PCDH11X: variants seen among roughly 807,000 people sequenced by gnomAD.
PCDH11X encodes the protein protocadherin 11 X-linked, also known as protocadherin-11 X-linked.
A neutral mutation model predicts 53.3 loss-of-function variants in PCDH11X; 18 were observed. The ratio of observed to expected loss-of-function variants is 0.34; its 90% confidence interval spans 0.23 to 0.50. The LOEUF (loss-of-function observed/expected upper bound fraction) is 0.50, where lower values mean the gene tolerates loss of function less well. PCDH11X is among the 20% of genes least tolerant of loss of function. The probability of loss-of-function intolerance (pLI) is 0.98; values close to 1 mark genes in which losing one functional copy is unlikely to be tolerated. For missense variants in PCDH11X, 570 were observed against 1,032.4 expected (o/e 0.55, Z 6.14); for synonymous variants, 279 against 393.3 (o/e 0.71, Z 3.44).
chrX:91,915,982 CA>C, intron 6 of PCDH11X, among the ~76,000 whole-genome samples: 1 of 109,573 alleles, frequency 9.1e-6, no homozygotes, highest in Non-Finnish European at 1.9e-5. Flanking sequence ...AAAATTATAT[CA>C]AGTATCCTCT....
chrX:92,075,095 A>T (rs2063754921), intron 6 of PCDH11X, among the ~76,000 whole-genome samples: 1 of 109,998 alleles, frequency 9.1e-6, no homozygotes, highest in African/African-American at 3.3e-5. Flanking sequence ...TTTTATTCTT[A>T]GTGGTAATTA....
At chrX:92,077,782 G>A (rs948251534) in intron 6 of PCDH11X, among the ~76,000 whole-genome samples, 8 of 110,439 alleles carry the variant, frequency 7.2e-5, no homozygotes, top group Non-Finnish European at 1.3e-4. Flanking sequence ...GTTTCTTGAG[G>A]GAACTTAAAC....
intron 8 of PCDH11X, among the ~76,000 whole-genome samples, chrX:92,379,588 T>C (rs939706685): frequency 9.0e-6 from 1 of 111,491 alleles, no homozygotes; most frequent in Admixed American, 9.4e-5. Context: ...GAAAAGGGCA[T>C]GTCCCTGGTG....
chrX:92,451,296 C>T (rs929592705), intron 9 of PCDH11X, among the ~76,000 whole-genome samples: 2 of 110,349 alleles, frequency 1.8e-5, no homozygotes, highest in African/African-American at 6.6e-5. Flanking sequence ...GTACCTCAAA[C>T]TTTCATGTGC....
At chrX:92,293,275 A>G (rs1028750157) in intron 8 of PCDH11X, among the ~76,000 whole-genome samples, 1 of 110,838 alleles carries the variant, frequency 9.0e-6, no homozygotes, top group East Asian at 2.9e-4. Context: ...TAAAAGCAAC[A>G]CTGAATAAAA....
rs1326548833 is a variant in PCDH11X at position 91,981,066 on chromosome X, TTATATACACTGAATATA to T, written c.3033+101813_3033+101829del. Among the ~76,000 whole-genome samples the T allele has an allele frequency of 4.2e-5, 4 of 95,890 alleles. 1 individual carries two copies. Among genetic ancestry groups the T allele is most frequent in the Non-Finnish European group, 8.3e-5 (4 of 48,216 alleles). 83.3% of individuals were successfully genotyped at this position (95,890 alleles called of 115,157 possible). ...GAATATATATATACACTGAATATAT[TTATATACACTGAATATA>T]TATATACACTGAATATATAAATATA... On this transcript the variant is annotated intron_variant, in intron 6 of 10. Transcript: ENST00000682573.
At chrX:91,881,020 A>G (rs1250837872) in intron 6 of PCDH11X, among the ~76,000 whole-genome samples, 1 of 111,328 alleles carries the variant, frequency 9.0e-6, no homozygotes, top group Non-Finnish European at 1.9e-5. Flanking sequence ...TGAATTACAT[A>G]TGTAGATCAT....
At chrX:92,592,453 C>G (rs1217430132) in intron 10 of PCDH11X, among the ~76,000 whole-genome samples, 1 of 110,276 alleles carries the variant, frequency 9.1e-6, no homozygotes, top group Non-Finnish European at 1.9e-5. Flanking sequence ...GATTCAAGGC[C>G]AGGCGCACTG....
At chrX:92,470,442 T>C in intron 10 of PCDH11X, among the ~76,000 whole-genome samples, 1 of 103,198 alleles carries the variant, frequency 9.7e-6, no homozygotes, top group Admixed American at 1.1e-4. Context: ...CCTTTATTTC[T>C]TTCTCTTGTC....
chrX:92,014,049 G>A (rs1386169982), intron 6 of PCDH11X, among the ~76,000 whole-genome samples: 5 of 111,605 alleles, frequency 4.5e-5, no homozygotes, highest in East Asian at 2.8e-4. Flanking sequence ...TAATTAAACT[G>A]AAGAACTTCT....
chrX:92,528,625 T>C (rs1386224642), intron 10 of PCDH11X, among the ~76,000 whole-genome samples: 1 of 111,984 alleles, frequency 8.9e-6, no homozygotes, highest in Non-Finnish European at 1.9e-5. Context: ...ATGGGAATCT[T>C]TAGAGAAATT....
intron 8 of PCDH11X, among the ~76,000 whole-genome samples, chrX:92,271,747 A>C (rs995268470): frequency 5.3e-5 from 6 of 112,156 alleles, no homozygotes; most frequent in Admixed American, 1.9e-4. Context: ...CCTCATCATC[A>C]TGCTCTTTTG....
chrX:91,864,257 A>T (rs765844222), intron 5 of PCDH11X, among the ~76,000 whole-genome samples: 2 of 108,551 alleles, frequency 1.8e-5, no homozygotes, highest in East Asian at 5.8e-4. Flanking sequence ...TTTTCACCAG[A>T]TATACTATTT....
chrX:92,259,349 G>A lies in PCDH11X; in HGVS notation c.3115-3765G>A, dbSNP rs990384821. Among the ~76,000 whole-genome samples, 5 of 111,603 alleles carry A rather than the reference G, an allele frequency of 4.5e-5. No homozygotes were observed. In the Admixed American group the frequency reaches 4.8e-4, roughly 11 times the overall value. On this transcript the variant is annotated intron_variant, in intron 7 of 10. Transcript: ENST00000682573. Reference sequence around the variant, plus strand: ...TAACTGGCTCACAGTTATGAAAGCTGTATAGGAAGCTTAGTGGCTACTGCT... The same window carrying A: ...TAACTGGCTCACAGTTATGAAAGCTATATAGGAAGCTTAGTGGCTACTGCT...
intron 6 of PCDH11X, among the ~76,000 whole-genome samples, chrX:92,130,778 C>T (rs1292509715): frequency 9.0e-6 from 1 of 110,658 alleles, no homozygotes; most frequent in Non-Finnish European, 1.9e-5. Context: ...ATTGCAAGCA[C>T]ATTGCTTTGT....
intron 1 of PCDH11X, among the ~76,000 whole-genome samples, chrX:91,792,485 G>T (rs1322071927): frequency 9.1e-6 from 1 of 110,166 alleles, no homozygotes; most frequent in Non-Finnish European, 1.9e-5. Flanking sequence ...CAGACTTGAA[G>T]AATAGATTTT....
chrX:92,302,109 G>C (rs2068736278), intron 8 of PCDH11X, among the ~76,000 whole-genome samples: 1 of 111,364 alleles, frequency 9.0e-6, no homozygotes, highest in Non-Finnish European at 1.9e-5. Context: ...ATGGGGGCTG[G>C]GTAGAAAAGA....
At chrX:91,983,999 A>G (rs2147932245) in intron 6 of PCDH11X, among the ~76,000 whole-genome samples, 1 of 107,729 alleles carries the variant, frequency 9.3e-6, no homozygotes, top group East Asian at 2.9e-4. Context: ...ACTACTGCAT[A>G]CTTCATATGA....
intron 7 of PCDH11X, among the ~76,000 whole-genome samples, chrX:92,219,318 C>G (rs2066807467): frequency 1.8e-5 from 2 of 111,034 alleles, no homozygotes; most frequent in African/African-American, 3.3e-5. Context: ...AGCCCAAAAT[C>G]TCCTTAAGCT....
Sources: allele counts gnomAD v4.1 joint callset (sites outside exome capture counted in the v4.1 genomes callset), GRCh38; gene constraint gnomAD v4.1.1; transcripts MANE v1.5; gene names NCBI Gene and HGNC (gene_info 2026-07-23, HGNC 2026-07-21).